Variants in KCNMA1 observed in about 807,000 individuals in gnomAD.
KCNMA1 encodes the protein potassium calcium-activated channel subfamily M alpha 1, also known as Calcium-activated potassium channel subunit alpha-1.
KCNMA1 carries 29 observed loss-of-function variants against 140.0 expected under a neutral mutation model. The ratio of observed to expected loss-of-function variants is 0.21; its 90% CI spans 0.15 to 0.28. The LOEUF (loss-of-function observed/expected upper bound fraction) is 0.28, where lower values mean the gene tolerates loss of function less well. Ranked by LOEUF, KCNMA1 falls within the 10% of genes least tolerant of loss-of-function variation. The pLI is 1.00. For missense variants in KCNMA1, 880 were observed against 1,602.2 expected (o/e 0.55, Z 7.70); for synonymous variants, 612 against 611.9 (o/e 1.00, Z 0.00).
In KCNMA1 at chr10:77,409,655, C is replaced by T. The variant is rs957611736; in HGVS notation, c.379-5632G>A. Among the ~76,000 whole-genome samples, 43 of 152,308 alleles carry T rather than the reference C, an allele frequency of 2.8e-4. 1 individual carries two copies. The highest frequency in any genetic ancestry group is 7.0e-4 in the African/African-American group (29 of 41,564). On this transcript the variant is annotated intron_variant, in intron 1 of 27. Coordinates refer to ENST00000286628, the MANE Select transcript of KCNMA1 (RefSeq NM_001161352.2). ...CAAAGGGCCCAGCCTTCCCCAGCCA[C>T]GACAGCTGCTCTGGTCTAGCACAGG... is the stretch of plus-strand genomic sequence containing the variant.
Position 77,086,437 on chromosome 10 carries a change from C to A in KCNMA1, c.1440+51G>T, listed in dbSNP as rs776337922. 8 of 1,387,782 alleles carry A rather than the reference C, an allele frequency of 5.8e-6. No individual in the cohort carries two copies. In the Admixed American group the frequency reaches 6.7e-5, roughly 12 times the overall value. 86.0% of individuals were successfully genotyped at this position (1,387,782 alleles called of 1,614,324 possible). The stretch of plus-strand genomic sequence containing the variant: ...CTCAGCACAGAGTCAGGACTCCCCC[C>A]AGACCCACACCAAGATGGAATAAAA... On this transcript the variant is annotated intron_variant, in intron 11 of 27. Transcript: ENST00000286628.
intron 12 of KCNMA1, among the ~76,000 whole-genome samples, chr10:77,084,190 C>T (rs1302483886): frequency 1.3e-5 from 2 of 152,126 alleles, no homozygotes; most frequent in Non-Finnish European, 2.9e-5. Context: ...TGGGCTCTAC[C>T]TATCAGATGC....
At chr10:77,523,210 C>CA (rs1555416274) in intron 1 of KCNMA1, among the ~76,000 whole-genome samples, 3 of 150,174 alleles carry the variant, frequency 2.0e-5, no homozygotes, top group South Asian at 2.2e-4. Flanking sequence ...CGTGCCCCCC[C>CA]CCCTTGCAAT....
At chr10:76,908,608 A>G (rs1404449681) in intron 25 of KCNMA1, among the ~76,000 whole-genome samples, 2 of 152,242 alleles carry the variant, frequency 1.3e-5, no homozygotes, top group Non-Finnish European at 2.9e-5. Context: ...AATAGATGAG[A>G]CCAGTACATA....
chr10:77,329,966 G>A (rs2085737378), intron 2 of KCNMA1, among the ~76,000 whole-genome samples: 1 of 152,176 alleles, frequency 6.6e-6, no homozygotes, highest in African/African-American at 2.4e-5. Context: ...TACAACCCCA[G>A]TAAGGATAAA....
chr10:77,372,811 A>G (rs959460940), intron 2 of KCNMA1: 2 of 152,200 alleles, frequency 1.3e-5, no homozygotes, highest in Non-Finnish European at 2.9e-5. Flanking sequence ...GGAAGAGAGG[A>G]GCAGCTTGGG....
chr10:77,482,246 C>T (rs1053192971), intron 1 of KCNMA1, among the ~76,000 whole-genome samples: 6 of 152,250 alleles, frequency 3.9e-5, no homozygotes, highest in African/African-American at 1.4e-4. Context: ...GAGGCCGAGG[C>T]TCCACAGGGC....
At chr10:77,131,359 A>G (rs528854590) in intron 5 of KCNMA1, among the ~76,000 whole-genome samples, 1 of 152,178 alleles carries the variant, frequency 6.6e-6, no homozygotes, top group African/African-American at 2.4e-5. Context: ...TCATCTCAGA[A>G]CTTTGGGAGG....
At chr10:77,581,239 G>T (rs2075778195) in intron 1 of KCNMA1, among the ~76,000 whole-genome samples, 1 of 152,150 alleles carries the variant, frequency 6.6e-6, no homozygotes, top group Admixed American at 6.5e-5. Flanking sequence ...TCATGTAAGT[G>T]GCTATTTGAT....
chr10:76,920,826 C>A (rs916706479), intron 23 of KCNMA1, among the ~76,000 whole-genome samples: 5 of 152,152 alleles, frequency 3.3e-5, no homozygotes, highest in African/African-American at 4.8e-5. Context: ...GAGGCCTGAG[C>A]CAGTCTTACT....
intron 19 of KCNMA1, among the ~76,000 whole-genome samples, chr10:76,987,056 T>C (rs932467829): frequency 7.4e-6 from 1 of 135,304 alleles, no homozygotes; most frequent in Non-Finnish European, 1.6e-5. Context: ...TCTCTAGCCT[T>C]GAGACTTTTT....
At chr10:77,517,925 A>T (rs2051180838) in intron 1 of KCNMA1, among the ~76,000 whole-genome samples, 1 of 152,216 alleles carries the variant, frequency 6.6e-6, no homozygotes, top group South Asian at 2.1e-4. Flanking sequence ...GATGGTGACA[A>T]ATGCCCCAGA....
At chr10:76,941,018 G>GAAGGAAGA (rs1554960623) in intron 23 of KCNMA1, among the ~76,000 whole-genome samples, 7 of 38,258 alleles carry the variant, frequency 1.8e-4, no homozygotes, top group East Asian at 8.5e-4. Context: ...AGGAAGGAAG[G>GAAGGAAGA]AAGAAAGAAA....
At chr10:76,899,673 T>G in intron 25 of KCNMA1, among the ~76,000 whole-genome samples, 1 of 152,226 alleles carries the variant, frequency 6.6e-6, no homozygotes, top group Admixed American at 6.5e-5. Context: ...TGCTGATCCA[T>G]TCCTTAGTAT....
intron 2 of KCNMA1, among the ~76,000 whole-genome samples, chr10:77,331,653 A>T (rs1314016295): frequency 1.7e-5 from 2 of 116,054 alleles, no homozygotes; most frequent in Non-Finnish European, 3.8e-5. Flanking sequence ...AACCTTTAAA[A>T]AAAAAAAAAA....
intron 5 of KCNMA1, among the ~76,000 whole-genome samples, chr10:77,166,226 G>A (rs1049395210): frequency 2.0e-5 from 3 of 152,144 alleles, no homozygotes; most frequent in Non-Finnish European, 2.9e-5. Flanking sequence ...CCATGTGCAC[G>A]TTGCTCCAGA....
intron 14 of KCNMA1, among the ~76,000 whole-genome samples, chr10:77,052,676 C>T (rs2095412764): frequency 6.6e-6 from 1 of 151,340 alleles, no homozygotes; most frequent in African/African-American, 2.4e-5. Context: ...ACTTGTCCAG[C>T]TTGTATTTGG....
chr10:77,316,409 C>T (rs944396502), intron 2 of KCNMA1, among the ~76,000 whole-genome samples: 2 of 152,156 alleles, frequency 1.3e-5, no homozygotes, highest in African/African-American at 2.4e-5. Context: ...AAGGAAGACT[C>T]GTTGTAAAAT....
chr10:77,022,894 A>C, intron 16 of KCNMA1: 1 of 452,976 alleles, frequency 2.2e-6, no homozygotes, highest in Middle Eastern at 3.3e-4. Context: ...CAGATGTGTT[A>C]AGTATGAATA....
Sources: allele counts gnomAD v4.1 joint callset (sites outside exome capture counted in the v4.1 genomes callset), GRCh38; gene constraint gnomAD v4.1.1; transcripts MANE v1.5; gene names NCBI Gene and HGNC (gene_info 2026-07-23, HGNC 2026-07-21).